CENPE: variants seen among roughly 807,000 people sequenced by gnomAD.
CENPE encodes centromere-associated protein E.
Under a neutral mutation model 336.1 loss-of-function variants are expected in CENPE, and 145 were observed. The ratio of observed to expected loss-of-function variants is 0.43; its 90% confidence interval spans 0.38 to 0.50. The LOEUF is 0.50. Ranked by LOEUF, CENPE falls within the 20% of genes least tolerant of loss-of-function variation. The probability of loss-of-function intolerance (pLI) is 0.00; values close to 1 mark genes in which losing one functional copy is unlikely to be tolerated. For missense variants in CENPE, 2,719 were observed against 3,023.3 expected (o/e 0.90, Z 2.36); for synonymous variants, 1,013 against 984.8 (o/e 1.03, Z -0.54).
Position 103,148,832 on chromosome 4 carries a change from TAA to T in CENPE, c.3843+10_3843+11del, listed in dbSNP as rs747821693. 5.0e-6 allele frequency: 8 copies of T among 1,607,032 alleles called. No homozygotes were observed. The highest frequency in any genetic ancestry group is 1.3e-5 in the African/African-American group (1 of 74,460). Reference sequence around the variant, plus strand: ...AAGAAGTGACAAAGGATGAAAGGAATAAAAGACATACCTCTTCTTGTAATTTG... The same window carrying T: ...AAGAAGTGACAAAGGATGAAAGGAATAAGACATACCTCTTCTTGTAATTTG... On this transcript the variant is annotated intron_variant, in intron 28 of 48. Coordinates refer to ENST00000265148, the MANE Select transcript of CENPE (RefSeq NM_001813.3).
intron 48 of CENPE, among the ~76,000 whole-genome samples, chr4:103,107,200 T>A (rs1462191105): frequency 3.3e-5 from 5 of 152,170 alleles, no homozygotes; most frequent in African/African-American, 1.2e-4. Flanking sequence ...GTGAGAGAGT[T>A]CCATGCAAGT....
intron 45 of CENPE, 78 bp from the exon 46 acceptor site, chr4:103,114,630 G>T: frequency 1.2e-6 from 1 of 860,362 alleles, no homozygotes; most frequent in Non-Finnish European, 1.9e-6. Flanking sequence ...TGCTGTGAAG[G>T]ATTTTCTAAC....
intron 48 of CENPE, 100 bp downstream of exon 48, chr4:103,108,703 T>C: frequency 1.8e-6 from 2 of 1,141,032 alleles, no homozygotes; most frequent in East Asian, 2.5e-5. Flanking sequence ...CTTACTCAAC[T>C]AAATCATCTC....
rs765107573 is a variant in CENPE, at chr4:103,147,652, G to A, written c.3844-6C>T. ...TCCTCATGAAGCACTGGGATCTTAG[G>A]ACATTCATAAAATACCAAGGTTACT... On this transcript the variant is annotated splice_polypyrimidine_tract_variant and splice_region_variant and intron_variant, in intron 28 of 48. Coordinates refer to ENST00000265148, the MANE Select transcript of CENPE (RefSeq NM_001813.3). The A allele has an allele frequency of 6.3e-6, 10 of 1,597,438 alleles. No homozygotes were observed. The highest frequency in any genetic ancestry group is 2.3e-5 in the South Asian group (2 of 88,038).
intron 16 of CENPE, among the ~76,000 whole-genome samples, chr4:103,169,235 TAG>T (rs761181914): frequency 4.8e-5 from 7 of 146,686 alleles, no homozygotes; most frequent in East Asian, 2.0e-4. Flanking sequence ...TTTTAAAATA[TAG>T]AGTCAGGAGG....
chr4:103,116,780 A>G, intron 44 of CENPE, 91 bp from the exon 45 acceptor site: 1 of 632,724 alleles, frequency 1.6e-6, no homozygotes, highest in South Asian at 2.2e-5. Context: ...TTGCTCTAAT[A>G]AGGACATTTT....
Position 103,160,673 on chromosome 4 carries a change from A to C in CENPE, c.2238T>G (p.Leu746=). Residue 746 remains leucine (L), a synonymous_variant, in exon 21 of 49, where the codon CTT becomes CTG. Coordinates refer to ENST00000265148, the MANE Select transcript of CENPE (RefSeq NM_001813.3). ...CAGAAGGTAAAGATTTCAATTCTGA[A>C]AGCAAAATGACTTCTTCCCGCAAAG... ...NEALREEVIL[L]SELKSLPSEV... 1.2e-6 allele frequency: 2 copies of C among 1,611,254 alleles called. 1 individual carries two copies. The highest frequency in any genetic ancestry group is 2.2e-5 in the South Asian group (2 of 90,638).
intron 16 of CENPE, among the ~76,000 whole-genome samples, chr4:103,168,785 T>C (rs1755142927): frequency 6.6e-6 from 1 of 152,248 alleles, no homozygotes; most frequent in Middle Eastern, 3.4e-3. Context: ...GAGAAAGGTG[T>C]CCAGTAGTGC....
rs1752042213 is a variant in CENPE, at chr4:103,136,060, G to A, written c.6522+81C>T. Reference sequence around the variant, plus strand: ...AGTAAGAATACTAAATAGCAAATATGCCGGCACCTGAAGCAGGACTTAAAT... The same window carrying A: ...AGTAAGAATACTAAATAGCAAATATACCGGCACCTGAAGCAGGACTTAAAT... On this transcript the variant is annotated intron_variant, in intron 40 of 48. Transcript: ENST00000265148. 4.4e-6 allele frequency: 5 copies of A among 1,148,222 alleles called. No homozygotes were observed. The South Asian group carries it at 5.8e-5, about 13-fold the overall frequency. The allele number at this position is 1,148,222 out of a possible 1,614,324, so 71.1% of individuals were successfully genotyped here. A position where few individuals can be genotyped will look rare whatever the true frequency, so the allele number is the denominator to read the frequency against.
Position 103,143,629 on chromosome 4 carries a change from C to G in CENPE, c.5146-223G>C, listed in dbSNP as rs76607746. Among the ~76,000 whole-genome samples, 2,051 of 152,276 alleles carry G rather than the reference C, an allele frequency of 0.013. 38 individuals are homozygous for G. The highest frequency in any genetic ancestry group is 0.044 in the African/African-American group (1,820 of 41,538). ...CACCCTTCAAATCAGCACTATAGCT[C>G]TACCACATTTTTTATTTGTGGCATA... On this transcript the variant is annotated intron_variant, in intron 33 of 48. Transcript: ENST00000265148.
At chr4:103,153,676 A>G (rs1753743661) in intron 24 of CENPE, among the ~76,000 whole-genome samples, 1 of 152,330 alleles carries the variant, frequency 6.6e-6, no homozygotes, top group East Asian at 1.9e-4. Flanking sequence ...TAGTTTGTAC[A>G]CATCTTCCAT....
At chr4:103,175,291 G>A (rs2126006695) in intron 15 of CENPE, among the ~76,000 whole-genome samples, 1 of 151,798 alleles carries the variant, frequency 6.6e-6, no homozygotes, top group South Asian at 2.1e-4. Context: ...TTACTATAAA[G>A]AGGCCTATTT....
At chr4:103,122,823 C>G (rs769052931) in intron 43 of CENPE, 48 bp downstream of exon 43, 2 of 1,404,966 alleles carry the variant, frequency 1.4e-6, no homozygotes, top group Non-Finnish European at 2.0e-6. Context: ...GCTCTAAACT[C>G]TGTGATGAAG....
At chr4:103,143,968 GCT>G in intron 33 of CENPE, among the ~76,000 whole-genome samples, 1 of 151,794 alleles carries the variant, frequency 6.6e-6, no homozygotes, top group East Asian at 1.9e-4. Context: ...ATGGAGTCTT[GCT>G]CTGTCGCCCA....
rs61751592 is a variant in CENPE at position 103,123,040 on chromosome 4, G to C, written c.6974C>G (p.Ser2325Cys). 6.7e-3 allele frequency: 10,863 copies of C among 1,613,702 alleles called. 83 individuals are homozygous for C. Among genetic ancestry groups the C allele is most frequent in the South Asian group, 0.02 (1,858 of 91,054 alleles). The change falls in exon 43 of 49, where the codon TCC becomes TGC. Residue 2325 changes from serine (S) to cysteine (C), a missense_variant. Around this residue, in one of 5 missense-constraint regions of CENPE, gnomAD observed 2,437 missense variants for 2,513.3 expected, o/e 0.97. Coordinates refer to ENST00000265148, the MANE Select transcript of CENPE (RefSeq NM_001813.3). ...TEFEERSATI[S>C]KEWEQDLKSL... ...TTTCAGGTCCTGTTCCCACTCTTTG[G>C]ATATGGTAGCACTTCTTTCCTCAAA...
rs369446956 is a variant in CENPE at position 103,185,817 on chromosome 4, G to T, written c.738C>A (p.Gly246=). ...TTCATGAGTTTTAATTACCTGCAGC[G>T]CCTGTTTGAGCAGCTCTTTCACTGC... ...LAGSERAAQT[G]AAGVRLKEGC... The change falls in exon 9 of 49, where the codon GGC becomes GGA. Residue 246 remains glycine, a synonymous_variant. Coordinates refer to ENST00000265148, the MANE Select transcript of CENPE (RefSeq NM_001813.3). 5 of 1,606,482 alleles carry T rather than the reference G, an allele frequency of 3.1e-6. No homozygotes were observed. The highest frequency in any genetic ancestry group is 4.3e-6 in the Non-Finnish European group (5 of 1,175,134).
chr4:103,141,655 G>A, intron 35 of CENPE, 95 bp downstream of exon 35: 4 of 791,368 alleles, frequency 5.1e-6, no homozygotes, highest in Non-Finnish European at 8.1e-6. Flanking sequence ...TACTGCCAAG[G>A]TGTTTTCCAG....
At chr4:103,137,721 C>T (rs575195606) in intron 39 of CENPE, among the ~76,000 whole-genome samples, 21 of 152,234 alleles carry the variant, frequency 1.4e-4, no homozygotes, top group African/African-American at 5.1e-4. Flanking sequence ...CTTCTCACTA[C>T]CTCTATTGCT....
rs373005271 is a variant in CENPE at position 103,143,245 on chromosome 4, T to C, written c.5304+3A>G. 4 of 1,572,412 alleles carry C rather than the reference T, an allele frequency of 2.5e-6. No individual in the cohort carries two copies. In the African/African-American group the frequency reaches 4.1e-5, roughly 16 times the overall value. The stretch of plus-strand genomic sequence containing the variant: ...TAACTGAGATAACTTAAAAATAAAA[T>C]ACCTGTGCTTTTAAGGCATCATTTG... On this transcript the variant is annotated splice_donor_region_variant and intron_variant, in intron 34 of 48. Transcript: ENST00000265148.
Sources: allele counts gnomAD v4.1 joint callset (sites outside exome capture counted in the v4.1 genomes callset), GRCh38; gene constraint gnomAD v4.1.1; regional missense constraint gnomAD v4.1.1; transcripts MANE v1.5; gene names NCBI Gene and HGNC (gene_info 2026-07-23, HGNC 2026-07-21).